IPO11: variants seen among roughly 807,000 people sequenced by gnomAD.
IPO11 encodes importin 11.
A neutral mutation model predicts 143.2 loss-of-function variants in IPO11; 66 were observed. The observed-to-expected ratio is 0.46, with a 90% CI of 0.38 to 0.57. IPO11 has a LOEUF of 0.57. Ranked by LOEUF, IPO11 falls within the 20% of genes least tolerant of loss-of-function variation. The probability of loss-of-function intolerance (pLI) is 0.00; values close to 1 mark genes in which losing one functional copy is unlikely to be tolerated. For synonymous variants in IPO11, 385 were observed against 377.8 expected, an observed-to-expected ratio of 1.02 and a Z score of -0.22; for missense variants, 1,026 against 1,141.0, an observed-to-expected ratio of 0.90 and a Z score of 1.45.
chr5:62,508,566 T>TTCTTTCTTCC (rs1157074735), intron 19 of IPO11, among the ~76,000 whole-genome samples: 3 of 151,942 alleles, frequency 2.0e-5, no homozygotes, highest in African/African-American at 7.3e-5. Context: ...TTCTTTCTTC[T>TTCTTTCTTCC]TCTTTCTTCC....
intron 1 of IPO11, among the ~76,000 whole-genome samples, chr5:62,420,160 A>G (rs1241250297): frequency 6.6e-6 from 1 of 151,818 alleles, no homozygotes; most frequent in Non-Finnish European, 1.5e-5. Flanking sequence ...GCGTGGTGGC[A>G]CACACCTGTA....
At chr5:62,444,597 T>C (rs905204222) in intron 3 of IPO11, among the ~76,000 whole-genome samples, 11 of 151,666 alleles carry the variant, frequency 7.3e-5, no homozygotes, top group Admixed American at 4.6e-4. Context: ...TTGTCTTGGC[T>C]GGGCACGGTG....
chr5:62,480,581 GTTC>G lies in IPO11; in HGVS notation c.829-2515_829-2513del, dbSNP rs568224510. Among the ~76,000 whole-genome samples the G allele has an allele frequency of 7.2e-3, 1,096 of 152,258 alleles. 13 individuals carry two copies. The highest frequency in any genetic ancestry group is 0.025 in the African/African-American group (1,031 of 41,540). ...TTCTTCCTATCCACGAGCATGGAAT[GTTC>G]TTCTATTTGTTTGTGTCCTCTTATT... On this transcript the variant is annotated intron_variant, in intron 9 of 29. Transcript: ENST00000325324.
At chr5:62,457,475 A>G (rs192795828) in intron 5 of IPO11, among the ~76,000 whole-genome samples, 14 of 152,326 alleles carry the variant, frequency 9.2e-5, no homozygotes, top group Non-Finnish European at 1.9e-4. Flanking sequence ...CCATGTGTCT[A>G]AAACATAATA....
At chr5:62,581,834 T>C (rs945085885) in intron 27 of IPO11, among the ~76,000 whole-genome samples, 2 of 152,178 alleles carry the variant, frequency 1.3e-5, no homozygotes, top group Admixed American at 6.6e-5. Flanking sequence ...AGTACTGTAC[T>C]TGGAGATGCT....
At chr5:62,504,305 T>A (rs978904085) in intron 16 of IPO11, among the ~76,000 whole-genome samples, 3 of 152,196 alleles carry the variant, frequency 2.0e-5, no homozygotes, top group Non-Finnish European at 2.9e-5. Flanking sequence ...ACCTTTGACT[T>A]ACACATCCTC....
intron 10 of IPO11, 29 bp from the exon 11 acceptor site, chr5:62,483,981 C>A (rs774426532): frequency 3.8e-6 from 6 of 1,575,976 alleles, no homozygotes; most frequent in Non-Finnish European, 1.7e-6. Context: ...TTTGGCTATA[C>A]AATTAACTTG....
At chr5:62,566,605 G>C (rs914567886) in intron 27 of IPO11, among the ~76,000 whole-genome samples, 1 of 151,770 alleles carries the variant, frequency 6.6e-6, no homozygotes, top group African/African-American at 2.4e-5. Context: ...GGGTATGGTG[G>C]TGCATGCCTA....
At chr5:62,580,154 C>G in intron 27 of IPO11, 1 of 1,551,070 alleles carries the variant, frequency 6.4e-7, no homozygotes, top group Non-Finnish European at 8.7e-7. Context: ...TCTCATAATC[C>G]TATTGAAGCA....
At chr5:62,437,511 A>C in intron 2 of IPO11, 94 bp downstream of exon 2, 1 of 1,083,588 alleles carries the variant, frequency 9.2e-7, no homozygotes, top group Non-Finnish European at 1.3e-6. Flanking sequence ...AGTTTAGTGA[A>C]ATAGATTCAG....
At chr5:62,533,193 G>A (rs1046552281) in intron 22 of IPO11, among the ~76,000 whole-genome samples, 5 of 148,356 alleles carry the variant, frequency 3.4e-5, no homozygotes, top group African/African-American at 1.2e-4. Context: ...CTTTTTGCAT[G>A]TATATTCTTT....
At chr5:62,437,226 T>C in intron 1 of IPO11, 48 bp from the exon 2 acceptor site, 4 of 1,437,994 alleles carry the variant, frequency 2.8e-6, no homozygotes, top group Non-Finnish European at 3.8e-6. Context: ...CTGTTAATTT[T>C]TTATTACTTG....
chr5:62,475,853 C>A (rs1334129599), intron 8 of IPO11, among the ~76,000 whole-genome samples: 1 of 152,198 alleles, frequency 6.6e-6, no homozygotes, highest in African/African-American at 2.4e-5. Flanking sequence ...TTGTTATCTT[C>A]TTCTTCCATG....
At chr5:62,541,375 A>AG (rs1277524347) in intron 24 of IPO11, among the ~76,000 whole-genome samples, 1 of 151,640 alleles carries the variant, frequency 6.6e-6, no homozygotes, top group Non-Finnish European at 1.5e-5. Flanking sequence ...CTGTCTCAAA[A>AG]AAAAAAAAAA....
chr5:62,473,265 G>C (rs1457123783), intron 7 of IPO11, among the ~76,000 whole-genome samples: 1 of 152,060 alleles, frequency 6.6e-6, no homozygotes, highest in Non-Finnish European at 1.5e-5. Flanking sequence ...AAGGTATAAA[G>C]GAAGACTGGA....
intron 1 of IPO11, chr5:62,422,506 T>C (rs997699381): frequency 6.6e-6 from 1 of 152,256 alleles, no homozygotes; most frequent in Non-Finnish European, 1.5e-5. Flanking sequence ...GTTTTTCAGC[T>C]AAGGAGACAC....
chr5:62,426,931 G>GTTTTTTTTTT (rs763031944), intron 1 of IPO11, among the ~76,000 whole-genome samples: 43 of 90,246 alleles, frequency 4.8e-4, no homozygotes, highest in South Asian at 8.6e-4. Flanking sequence ...TTTTCTTTCT[G>GTTTTTTTTTT]TTTTTTTTTT....
chr5:62,462,340 G>C (rs533664132), intron 5 of IPO11, among the ~76,000 whole-genome samples: 1 of 152,012 alleles, frequency 6.6e-6, no homozygotes, highest in South Asian at 2.1e-4. Context: ...ATAGTATTCA[G>C]AGATGTTCTT....
intron 20 of IPO11, among the ~76,000 whole-genome samples, chr5:62,524,172 G>T (rs1016037597): frequency 1.3e-5 from 2 of 152,076 alleles, no homozygotes; most frequent in Non-Finnish European, 1.5e-5. Flanking sequence ...ACTTAAAGCT[G>T]CATATCAGGG....
Sources: allele counts gnomAD v4.1 joint callset (sites outside exome capture counted in the v4.1 genomes callset), GRCh38; gene constraint gnomAD v4.1.1; transcripts MANE v1.5; gene names NCBI Gene and HGNC (gene_info 2026-07-23, HGNC 2026-07-21).